GNAQ: variants seen among roughly 807,000 people sequenced by gnomAD.
GNAQ encodes G protein subunit alpha q.
In GNAQ, 8 loss-of-function variants were observed where a neutral mutation model predicts 43.9. The ratio of observed to expected loss-of-function variants is 0.18; its 90% confidence interval spans 0.11 to 0.33. The LOEUF (loss-of-function observed/expected upper bound fraction) is 0.33. GNAQ is among the 10% of genes least tolerant of loss of function. The pLI, the probability that GNAQ is intolerant of heterozygous loss-of-function variation, is 1.00. For synonymous variants in GNAQ, 155 were observed against 170.7 expected, an observed-to-expected ratio of 0.91 and a Z score of 0.71; for missense variants, 158 against 450.8, an observed-to-expected ratio of 0.35 and a Z score of 5.88.
At chr9:78,003,723 C>T (rs35932717) in intron 1 of GNAQ, among the ~76,000 whole-genome samples, 10,875 of 150,526 alleles carry the variant, frequency 0.072, 486 homozygotes, top group South Asian at 0.11. Flanking sequence ...GGCTGAGGCA[C>T]GAGAATCACT....
chr9:77,839,751 A>T (rs1827454497), intron 2 of GNAQ, among the ~76,000 whole-genome samples: 2 of 152,258 alleles, frequency 1.3e-5, no homozygotes, highest in East Asian at 3.8e-4. Context: ...ACTGTTATTA[A>T]ATTTAGGTGG....
At chr9:78,017,290 T>A (rs1214162649) in intron 1 of GNAQ, among the ~76,000 whole-genome samples, 2 of 152,176 alleles carry the variant, frequency 1.3e-5, no homozygotes, top group African/African-American at 4.8e-5. Context: ...GACAAAAAAA[T>A]GATCAAAACT....
At chr9:77,900,621 A>G (rs1400054858) in intron 2 of GNAQ, among the ~76,000 whole-genome samples, 2 of 152,068 alleles carry the variant, frequency 1.3e-5, no homozygotes, top group Non-Finnish European at 2.9e-5. Context: ...TCCAATTTCT[A>G]GGATCAAACT....
chr9:77,886,990 C>T (rs1262743494), intron 2 of GNAQ, among the ~76,000 whole-genome samples: 5 of 150,600 alleles, frequency 3.3e-5, no homozygotes, highest in Non-Finnish European at 5.9e-5. Context: ...GGCGTGGTGG[C>T]GGGTGCCTGT....
chr9:77,977,212 A>G (rs1823313541), intron 1 of GNAQ, among the ~76,000 whole-genome samples: 1 of 152,026 alleles, frequency 6.6e-6, no homozygotes, highest in Non-Finnish European at 1.5e-5. Flanking sequence ...ATTGGCACTA[A>G]CCCTCTAGTT....
chr9:78,001,350 G>A (rs897398218), intron 1 of GNAQ, among the ~76,000 whole-genome samples: 8 of 151,950 alleles, frequency 5.3e-5, no homozygotes, highest in African/African-American at 1.5e-4. Flanking sequence ...GCAGTAAGCT[G>A]AGATCGCGCC....
At chr9:77,917,184 T>G (rs1828921872) in intron 2 of GNAQ, among the ~76,000 whole-genome samples, 1 of 152,094 alleles carries the variant, frequency 6.6e-6, no homozygotes, top group African/African-American at 2.4e-5. Context: ...AACTGCCAAG[T>G]TCAGACAGTA....
chr9:77,877,652 A>G (rs1439913903), intron 2 of GNAQ, among the ~76,000 whole-genome samples: 1 of 152,206 alleles, frequency 6.6e-6, no homozygotes, highest in Non-Finnish European at 1.5e-5. Context: ...CAAGTATATG[A>G]TCCCATTCTG....
intron 1 of GNAQ, among the ~76,000 whole-genome samples, chr9:77,997,173 C>T (rs574076032): frequency 6.6e-6 from 1 of 152,350 alleles, no homozygotes; most frequent in East Asian, 1.9e-4. Flanking sequence ...CATCATACTT[C>T]ATTCATCCTA....
chr9:77,899,942 T>C (rs1828574438), intron 2 of GNAQ, among the ~76,000 whole-genome samples: 1 of 152,190 alleles, frequency 6.6e-6, no homozygotes, highest in Non-Finnish European at 1.5e-5. Context: ...AGGGTGGAAT[T>C]GCTACAGGAA....
At chr9:77,775,366 T>A (rs1342492725) in intron 5 of GNAQ, among the ~76,000 whole-genome samples, 1 of 151,700 alleles carries the variant, frequency 6.6e-6, no homozygotes, top group Non-Finnish European at 1.5e-5. Flanking sequence ...CAATTTATCC[T>A]CCTATTAACA....
intron 1 of GNAQ, among the ~76,000 whole-genome samples, chr9:77,954,113 A>C (rs961869320): frequency 1.3e-5 from 2 of 152,206 alleles, no homozygotes; most frequent in African/African-American, 4.8e-5. Flanking sequence ...TGTGATCCTG[A>C]AAAGTCCAAT....
intron 5 of GNAQ, among the ~76,000 whole-genome samples, chr9:77,765,431 A>C (rs558237758): frequency 2.6e-5 from 4 of 152,202 alleles, no homozygotes; most frequent in African/African-American, 9.7e-5. Context: ...AACAACAAAA[A>C]ACTACCTGAA....
In GNAQ at chr9:77,836,341, T is replaced by C. The variant is rs960990698; in HGVS notation, c.322-20571A>G. 4.6e-5 allele frequency among the ~76,000 whole-genome samples: 7 copies of C among 152,132 alleles called. No individual in the cohort carries two copies. The South Asian group carries it at 1.4e-3, about 31-fold the overall frequency. On this transcript the variant is annotated intron_variant, in intron 2 of 6. Coordinates refer to ENST00000286548, the MANE Select transcript of GNAQ (RefSeq NM_002072.5). ...TCAATGCCCAGCAGGAGTAAGAAAG[T>C]TGTAGGATTTCTTTCCTTAGCAGTG... is the stretch of plus-strand genomic sequence containing the variant.
At chr9:77,905,542 C>T (rs1026379569) in intron 2 of GNAQ, among the ~76,000 whole-genome samples, 1 of 152,146 alleles carries the variant, frequency 6.6e-6, no homozygotes, top group African/African-American at 2.4e-5. Flanking sequence ...TGCAGTGGGG[C>T]TGTAATATTT....
intron 2 of GNAQ, among the ~76,000 whole-genome samples, chr9:77,835,874 G>C (rs1052979732): frequency 6.6e-6 from 1 of 152,086 alleles, no homozygotes; most frequent in East Asian, 1.9e-4. Context: ...TCTCTTGCCT[G>C]TCTTTTATTT....
chr9:78,003,545 T>A (rs1823668422), intron 1 of GNAQ, among the ~76,000 whole-genome samples: 1 of 152,158 alleles, frequency 6.6e-6, no homozygotes, highest in African/African-American at 2.4e-5. Flanking sequence ...CCGGACACAG[T>A]GGCTCACACC....
At chr9:77,764,855 G>T (rs1826109471) in intron 5 of GNAQ, among the ~76,000 whole-genome samples, 1 of 152,180 alleles carries the variant, frequency 6.6e-6, no homozygotes, top group Non-Finnish European at 1.5e-5. Context: ...AAGAACCAGT[G>T]TGTGATCTTG....
intron 1 of GNAQ, among the ~76,000 whole-genome samples, chr9:77,952,950 T>C (rs979802350): frequency 6.6e-6 from 1 of 151,900 alleles, no homozygotes; most frequent in African/African-American, 2.4e-5. Flanking sequence ...TCAGCAATTG[T>C]TGTTGTTAAT....
Sources: gnomAD v4.1 joint callset for allele counts (sites outside exome capture counted in the v4.1 genomes callset) on GRCh38, gnomAD v4.1.1 for gene constraint, MANE v1.5 for transcripts, NCBI Gene and HGNC (gene_info 2026-07-23, HGNC 2026-07-21) for gene names.